NRXN3: variants seen among roughly 807,000 people sequenced by gnomAD.
NRXN3 encodes the protein neurexin III.
Under a neutral mutation model 137.6 loss-of-function variants are expected in NRXN3, and 32 were observed. That is an observed-to-expected ratio of 0.23 (90% CI 0.18 to 0.31). The LOEUF (loss-of-function observed/expected upper bound fraction) is 0.31. Among genes scored for constraint, NRXN3 ranks in the 10% least tolerant of loss-of-function variants. NRXN3 has a pLI of 1.00. For synonymous variants in NRXN3, 798 were observed against 784.5 expected (o/e 1.02, Z -0.29); for missense variants, 1,574 against 2,062.5 (o/e 0.76, Z 4.59).
chr14:79,727,770 T>C (rs1306283017), intron 19 of NRXN3, among the ~76,000 whole-genome samples: 1 of 152,206 alleles, frequency 6.6e-6, no homozygotes, highest in Non-Finnish European at 1.5e-5. Context: ...GCAAATATTA[T>C]GCTCTTCTCA....
chr14:79,812,563 C>A (rs1159937550), intron 20 of NRXN3, among the ~76,000 whole-genome samples: 1 of 152,016 alleles, frequency 6.6e-6, no homozygotes, highest in Non-Finnish European at 1.5e-5. Flanking sequence ...ATTCAACTAA[C>A]CCCAAGGAGC....
chr14:79,109,345 ATTCTAT>A (rs1421051902), intron 15 of NRXN3, among the ~76,000 whole-genome samples: 1 of 152,180 alleles, frequency 6.6e-6, no homozygotes, highest in East Asian at 1.9e-4. Flanking sequence ...GAACTAGATA[ATTCTAT>A]TTCTAATGTT....
At chr14:78,370,681 T>C (rs1163657676) in intron 4 of NRXN3, among the ~76,000 whole-genome samples, 1 of 152,232 alleles carries the variant, frequency 6.6e-6, no homozygotes, top group Non-Finnish European at 1.5e-5. Context: ...ATGCCAATTA[T>C]ATTGTTATTG....
intron 15 of NRXN3, among the ~76,000 whole-genome samples, chr14:79,175,147 AT>A (rs1596833368): frequency 6.6e-6 from 1 of 151,920 alleles, no homozygotes; most frequent in East Asian, 1.9e-4. Context: ...TATGCGGCTA[AT>A]TTTTTGTATT....
rs570208080 is a variant in NRXN3, at chr14:79,733,908, G to A, written c.4014+35971G>A. On this transcript the variant is annotated intron_variant, in intron 19 of 20. Coordinates refer to ENST00000335750, the MANE Select transcript of NRXN3 (RefSeq NM_001330195.2). ...CACTTGCCTGCTTGCTCTGATAATG[G>A]CCAGTAGCTGGTCCCAATGTTGATA... 2.0e-5 allele frequency among the ~76,000 whole-genome samples: 3 copies of A among 152,200 alleles called. No individual in the cohort carries two copies. The South Asian group carries it at 6.2e-4, about 32-fold the overall frequency.
intron 16 of NRXN3, among the ~76,000 whole-genome samples, chr14:79,591,766 T>C (rs2097805336): frequency 6.6e-6 from 1 of 152,210 alleles, no homozygotes; most frequent in Admixed American, 6.5e-5. Flanking sequence ...CATTTCTACA[T>C]GGTAGGCATT....
chr14:78,976,421 T>C (rs1180906358), intron 14 of NRXN3, among the ~76,000 whole-genome samples: 1 of 152,132 alleles, frequency 6.6e-6, no homozygotes, highest in Non-Finnish European at 1.5e-5. Flanking sequence ...TCAATCAATG[T>C]ATTGGGTTCA....
rs913194811 is a variant in NRXN3, at chr14:78,659,376, A to C, written c.1221+8050A>C. Among the ~76,000 whole-genome samples the C allele has an allele frequency of 2.0e-4, 30 of 152,020 alleles. No individual in the cohort carries two copies. In the South Asian group the frequency reaches 6.0e-3, roughly 30 times the overall value. ...TAGAGCTTTTTTATGGGTTGACCAT[A>C]AAAAAAAGATGGCCATTTTTGGCTG... is the stretch of plus-strand genomic sequence containing the variant. On this transcript the variant is annotated intron_variant, in intron 6 of 20. Transcript: ENST00000335750.
At chr14:78,245,582 C>T (rs897981336) in intron 2 of NRXN3, among the ~76,000 whole-genome samples, 1 of 152,180 alleles carries the variant, frequency 6.6e-6, no homozygotes, top group Non-Finnish European at 1.5e-5. Context: ...ACCCCTAAAG[C>T]AGGTTGTGCT....
intron 10 of NRXN3, among the ~76,000 whole-genome samples, chr14:78,878,260 A>C (rs190664093): frequency 6.6e-6 from 1 of 152,274 alleles, no homozygotes; most frequent in African/African-American, 2.4e-5. Flanking sequence ...GAGTTTGAAA[A>C]CCATCGCTAT....
chr14:78,783,507 A>G lies in NRXN3; in HGVS notation c.2045-20113A>G, dbSNP rs374523175. On this transcript the variant is annotated intron_variant, in intron 8 of 20. Transcript: ENST00000335750. ...TTAATGGGAAAATAGTAAAATTTGA[A>G]TAAGGCCTGAAGTTTAAAATATTGA... is the stretch of plus-strand genomic sequence containing the variant. Among the ~76,000 whole-genome samples the G allele has an allele frequency of 1.1e-4, 16 of 152,322 alleles. No homozygotes were observed. In the East Asian group the frequency reaches 1.7e-3, roughly 17 times the overall value.
chr14:78,483,503 T>G (rs1379580943), intron 4 of NRXN3, among the ~76,000 whole-genome samples: 2 of 152,198 alleles, frequency 1.3e-5, no homozygotes, highest in African/African-American at 4.8e-5. Flanking sequence ...TAATAATCCT[T>G]ACTATTTAAA....
intron 8 of NRXN3, among the ~76,000 whole-genome samples, chr14:78,747,289 G>GA (rs2098613756): frequency 6.6e-6 from 1 of 152,186 alleles, no homozygotes; most frequent in Non-Finnish European, 1.5e-5. Context: ...TTGATGTGGG[G>GA]ATCATAAATT....
chr14:78,660,176 T>C (rs568917399), intron 6 of NRXN3, among the ~76,000 whole-genome samples: 2 of 151,686 alleles, frequency 1.3e-5, no homozygotes, highest in Admixed American at 1.3e-4. Flanking sequence ...GAGTAGTTCT[T>C]CAGTTAGTGC....
At chr14:78,734,510 A>G (rs1309612156) in intron 8 of NRXN3, among the ~76,000 whole-genome samples, 1 of 152,212 alleles carries the variant, frequency 6.6e-6, no homozygotes, top group African/African-American at 2.4e-5. Flanking sequence ...GCAAAATGTG[A>G]TGCATCTTTG....
At chr14:78,613,758 A>G (rs1220292015) in intron 4 of NRXN3, among the ~76,000 whole-genome samples, 2 of 152,116 alleles carry the variant, frequency 1.3e-5, no homozygotes, top group South Asian at 2.1e-4. Context: ...GAAGTACCCC[A>G]AGGAAGACCA....
At chr14:78,269,543 G>A (rs1221748046) in intron 2 of NRXN3, among the ~76,000 whole-genome samples, 1 of 152,188 alleles carries the variant, frequency 6.6e-6, no homozygotes, top group Non-Finnish European at 1.5e-5. Context: ...CATTACGAAT[G>A]TACTTAATAC....
intron 15 of NRXN3, among the ~76,000 whole-genome samples, chr14:79,191,090 C>T (rs118097957): frequency 0.014 from 2,153 of 152,250 alleles, 23 homozygotes; most frequent in Non-Finnish European, 0.023. Context: ...TACTCTTTTG[C>T]GGTCTTTGGA....
At chr14:79,817,299 T>C (rs1396138188) in intron 20 of NRXN3, among the ~76,000 whole-genome samples, 1 of 152,200 alleles carries the variant, frequency 6.6e-6, no homozygotes, top group African/African-American at 2.4e-5. Context: ...GTGATCTGCC[T>C]GCCTTGGCCT....
Sources: gnomAD v4.1 joint callset for allele counts (sites outside exome capture counted in the v4.1 genomes callset) on GRCh38, gnomAD v4.1.1 for gene constraint, MANE v1.5 for transcripts, NCBI Gene and HGNC (gene_info 2026-07-23, HGNC 2026-07-21) for gene names.